Variants in ADGRE5 observed in about 807,000 individuals in gnomAD.
ADGRE5 encodes CD97 molecule.
Under a neutral mutation model 100.3 loss-of-function variants are expected in ADGRE5, and 72 were observed. The ratio of observed to expected loss-of-function variants is 0.72; its 90% CI spans 0.59 to 0.87. The LOEUF (loss-of-function observed/expected upper bound fraction) is 0.87, where lower values mean the gene tolerates loss of function less well. Among genes scored for constraint, ADGRE5 ranks in the 40% least tolerant of loss-of-function variants. The pLI is 0.00. For missense variants in ADGRE5, 959 were observed against 1,094.7 expected (o/e 0.88, Z 1.75); for synonymous variants, 439 against 447.8 (o/e 0.98, Z 0.25).
chr19:14,403,838 G>A (rs1284867791), intron 12 of ADGRE5, among the ~76,000 whole-genome samples: 1 of 138,240 alleles, frequency 7.2e-6, no homozygotes, highest in Non-Finnish European at 1.6e-5. Flanking sequence ...TATTCGTTAG[G>A]TTTATGTCAT....
chr19:14,400,579 G>T (rs1218360579), intron 9 of ADGRE5, among the ~76,000 whole-genome samples: 1 of 151,958 alleles, frequency 6.6e-6, no homozygotes, highest in East Asian at 1.9e-4. Context: ...ATCGCCTGAG[G>T]TCAGGAGTTC....
chr19:14,396,179 A>C (rs7251607), intron 4 of ADGRE5, 163 bp from the exon 5 acceptor site: 1,005,060 of 1,302,346 alleles, frequency 0.77, 388,955 homozygotes, highest in African/African-American at 0.86. Flanking sequence ...CAACAGAAGG[A>C]CTGAGCCACC....
chr19:14,402,831 A>C lies in ADGRE5; in HGVS notation c.1418A>C (p.Asp473Ala). ...LFAFSHLESS[D>A]GEAGRDPPAK... The stretch of plus-strand genomic sequence containing the variant: ...GCCTTCTCCCACCTTGAGTCCTCCG[A>C]TGGGGAGGCGGGAAGAGACCCTCCT... The change falls in exon 12 of 20, where the codon GAT becomes GCT. Residue 473 changes from aspartate (D) to alanine (A), a missense_variant. This residue lies in a region of ADGRE5 where 246 missense variants were observed against 242.2 expected (regional missense o/e 1.02). Coordinates refer to ENST00000242786, the MANE Select transcript of ADGRE5 (RefSeq NM_078481.4). The C allele has an allele frequency of 6.2e-7, 1 of 1,613,916 alleles. No individual in the cohort carries two copies.
intron 3 of ADGRE5, among the ~76,000 whole-genome samples, chr19:14,389,101 A>C (rs1455774661): frequency 2.7e-5 from 3 of 110,552 alleles, no homozygotes; most frequent in Non-Finnish European, 5.5e-5. Flanking sequence ...CTATGATTGC[A>C]CCACTGCACT....
At chr19:14,389,651 G>T (rs540628755) in intron 3 of ADGRE5, among the ~76,000 whole-genome samples, 2 of 151,322 alleles carry the variant, frequency 1.3e-5, no homozygotes, top group Non-Finnish European at 2.9e-5. Context: ...CAGGAGAATC[G>T]CTTAAACCTG....
chr19:14,390,849 G>T, intron 3 of ADGRE5, 75 bp from the exon 4 acceptor site: 11 of 1,547,996 alleles, frequency 7.1e-6, no homozygotes, highest in Non-Finnish European at 9.7e-6. Context: ...CCATGTTGGG[G>T]AGTCAGGATG....
In ADGRE5 at chr19:14,388,805, G is replaced by T. The variant is rs745921116; in HGVS notation, c.177G>T (p.Thr59=). The change falls in exon 3 of 20, where the codon ACG becomes ACT. Residue 59 remains threonine, a synonymous_variant. Transcript: ENST00000242786. ...SSFSEIITTP[T]ETCDDINECA... ...TTTCTGAGATCATCACCACCCCGAC[G>T]GAGACTTGTGACGGTACAGAGGCTT... The T allele has an allele frequency of 1.2e-6, 2 of 1,613,344 alleles. No homozygotes were observed. The highest frequency in any genetic ancestry group is 4.5e-5 in the East Asian group (2 of 44,838).
rs540759823 is a variant in ADGRE5 at position 14,393,118 on chromosome 19, G to A, written c.346+2039G>A. Among the ~76,000 whole-genome samples, 9 of 151,092 alleles carry A rather than the reference G, an allele frequency of 6.0e-5. No homozygotes were observed. The South Asian group carries it at 8.3e-4, about 14-fold the overall frequency. On this transcript the variant is annotated intron_variant, in intron 4 of 19. Transcript: ENST00000242786. ...CTGGAGGCTGAGTCAGGAGAATGGC[G>A]TGAACCCGGGAGGCGGAGGTTGCAG...
At chr19:14,388,936 GCCA>G in intron 3 of ADGRE5, 118 bp downstream of exon 3, 1 of 1,005,036 alleles carries the variant, frequency 9.9e-7, no homozygotes. Flanking sequence ...TATCATCATG[GCCA>G]GAGAAAAGAA....
intron 3 of ADGRE5, 37 bp downstream of exon 3, chr19:14,388,855 G>C: frequency 6.3e-7 from 1 of 1,584,990 alleles, no homozygotes; most frequent in Non-Finnish European, 8.7e-7. Context: ...GGACATCCGC[G>C]ATTATGAGGC....
chr19:14,389,158 G>A (rs1162000336), intron 3 of ADGRE5, among the ~76,000 whole-genome samples: 1 of 116,976 alleles, frequency 8.5e-6, no homozygotes, highest in Admixed American at 9.0e-5. Flanking sequence ...AGAGGGAGAG[G>A]AAGGGGAAGA....
intron 3 of ADGRE5, among the ~76,000 whole-genome samples, chr19:14,389,300 A>G (rs1394333548): frequency 9.3e-4 from 1 of 1,080 alleles, no homozygotes; most frequent in Non-Finnish European, 2.1e-3. Flanking sequence ...AGGGGAGGGG[A>G]AGGGGGAAGG....
intron 9 of ADGRE5, among the ~76,000 whole-genome samples, chr19:14,399,489 G>A (rs1166935862): frequency 2.7e-5 from 4 of 147,684 alleles, no homozygotes; most frequent in East Asian, 4.1e-4. Context: ...GCGTGAACCC[G>A]GGAAGCGGAG....
intron 12 of ADGRE5, among the ~76,000 whole-genome samples, chr19:14,403,864 C>CTTTTTTTTT (rs58411522): frequency 2.7e-5 from 2 of 74,264 alleles, no homozygotes; most frequent in Non-Finnish European, 5.2e-5. Flanking sequence ...GCCTCTCCCA[C>CTTTTTTTTT]TTTTTTTTTT....
At chr19:14,387,953 G>A (rs1975419770) in intron 1 of ADGRE5, among the ~76,000 whole-genome samples, 1 of 151,998 alleles carries the variant, frequency 6.6e-6, no homozygotes, top group African/African-American at 2.4e-5. Context: ...GCAGACTCCT[G>A]TAATCCCAGC....
At position 14,402,840 on chromosome 19, in the gene ADGRE5, C is replaced by T. The variant is rs777689888; in HGVS notation, c.1427C>T (p.Ala476Val). Residue 476 changes from alanine to valine, a missense_variant, in exon 12 of 20, where the codon GCG (alanine) becomes GTG (valine). This residue lies in a region of ADGRE5 where 246 missense variants were observed against 242.2 expected (regional missense o/e 1.02). Coordinates refer to ENST00000242786, the MANE Select transcript of ADGRE5 (RefSeq NM_078481.4). Reference protein sequence around the residue: ...FSHLESSDGEAGRDPPAKDVM... With the variant: ...FSHLESSDGEVGRDPPAKDVM... ...CACCTTGAGTCCTCCGATGGGGAGG[C>T]GGGAAGAGACCCTCCTGCCAAGGTC... 18 of 1,613,848 alleles carry T rather than the reference C, an allele frequency of 1.1e-5. No individual in the cohort carries two copies. The highest frequency in any genetic ancestry group is 9.9e-5 in the South Asian group (9 of 91,058).
At chr19:14,398,233 G>C in intron 9 of ADGRE5, 94 bp downstream of exon 9, 1 of 1,133,976 alleles carries the variant, frequency 8.8e-7, no homozygotes, top group Non-Finnish European at 1.3e-6. Flanking sequence ...CCAAGCAGGG[G>C]CCTCTAGTCA....
At chr19:14,388,665 A>G (rs8105300) in intron 2 of ADGRE5, 37 bp from the exon 3 acceptor site, 63,332 of 1,598,272 alleles carry the variant, frequency 0.04, 4,807 homozygotes, top group African/African-American at 0.35. Flanking sequence ...GTATTCCCTT[A>G]CCCCTCACCT....
rs1231202834 is a variant in ADGRE5, at chr19:14,407,091, C to T, written c.2238C>T (p.Leu746=). 2 of 1,614,180 alleles carry T rather than the reference C, an allele frequency of 1.2e-6. No homozygotes were observed. The highest frequency in any genetic ancestry group is 3.3e-5 in the Admixed American group (2 of 60,030). The change falls in exon 18 of 20, where the codon CTC becomes CTT. Residue 746 remains leucine, a synonymous_variant. Coordinates refer to ENST00000242786, the MANE Select transcript of ADGRE5 (RefSeq NM_078481.4). The part of the protein sequence containing the change: ...RALTITAIAQ[L]FLLGCTWVFG... Reference sequence around the variant, plus strand: ...TGACCATCACGGCCATCGCGCAGCTCTTCCTGTTGGGCTGCACCTGGGTCT... The same window carrying T: ...TGACCATCACGGCCATCGCGCAGCTTTTCCTGTTGGGCTGCACCTGGGTCT...
Sources: gnomAD v4.1 joint callset for allele counts (sites outside exome capture counted in the v4.1 genomes callset) on GRCh38, gnomAD v4.1.1 for gene constraint, gnomAD v4.1.1 regional missense constraint, MANE v1.5 for transcripts, NCBI Gene and HGNC (gene_info 2026-07-23, HGNC 2026-07-21) for gene names.